Variants in SUN1 observed in about 807,000 individuals in gnomAD.
SUN1 encodes the protein Sad1 and UNC84 domain containing 1.
In SUN1, 61 loss-of-function variants were observed where a neutral mutation model predicts 103.2. That is an observed-to-expected ratio of 0.59 (90% CI 0.48 to 0.73). SUN1 has a LOEUF of 0.73. Among genes scored for constraint, SUN1 ranks in the 30% least tolerant of loss-of-function variants. SUN1 has a pLI of 0.00. For missense variants in SUN1, 1,052 were observed against 1,034.6 expected (o/e 1.02, Z -0.23); for synonymous variants, 490 against 425.7 (o/e 1.15, Z -1.86).
intron 17 of SUN1, among the ~76,000 whole-genome samples, chr7:870,498 A>C (rs532446711): frequency 1.3e-5 from 2 of 152,182 alleles, no homozygotes; most frequent in East Asian, 3.9e-4. Context: ...AGGCATGAAG[A>C]TCACTTGAAC....
chr7:826,669 C>T (rs1014081655), intron 1 of SUN1, among the ~76,000 whole-genome samples: 1 of 152,140 alleles, frequency 6.6e-6, no homozygotes, highest in African/African-American at 2.4e-5. Flanking sequence ...TAAACCAAGG[C>T]TTGCGGGATC....
intron 5 of SUN1, among the ~76,000 whole-genome samples, chr7:848,197 G>T (rs986904378): frequency 7.8e-6 from 1 of 127,426 alleles, no homozygotes; most frequent in East Asian, 2.6e-4. Flanking sequence ...GGATCCCCTG[G>T]GGGTTACTCT....
chr7:861,347 G>T (rs555612713), intron 14 of SUN1, 33 bp from the exon 15 acceptor site: 57 of 1,612,292 alleles, frequency 3.5e-5, no homozygotes, highest in Non-Finnish European at 4.7e-5. Context: ...TCCTGTTCTG[G>T]TGTTTGGTCT....
chr7:845,297 G>A (rs893776324), intron 5 of SUN1, among the ~76,000 whole-genome samples: 3 of 152,208 alleles, frequency 2.0e-5, no homozygotes, highest in East Asian at 3.9e-4. Flanking sequence ...CCCCTCGGAC[G>A]TCGGTGTCGT....
chr7:827,466 G>GTTTTT (rs35772182), intron 1 of SUN1, among the ~76,000 whole-genome samples: 1 of 133,246 alleles, frequency 7.5e-6, no homozygotes, highest in African/African-American at 2.8e-5. Context: ...TCTAAAGTCC[G>GTTTTT]TTTTTTTTTT....
intron 15 of SUN1, 27 bp from the exon 16 acceptor site, chr7:865,925 T>C (rs973666747): frequency 6.2e-7 from 1 of 1,603,956 alleles, no homozygotes; most frequent in African/African-American, 1.3e-5. Context: ...AACTGGACAC[T>C]GAGACCGATC....
At chr7:857,221 G>C (rs1828372908) in intron 12 of SUN1, among the ~76,000 whole-genome samples, 1 of 152,224 alleles carries the variant, frequency 6.6e-6, no homozygotes, top group African/African-American at 2.4e-5. Flanking sequence ...CTGCACTCGG[G>C]AGGGTCCATC....
At chr7:818,670 G>A (rs928463840) in intron 1 of SUN1, among the ~76,000 whole-genome samples, 2 of 152,138 alleles carry the variant, frequency 1.3e-5, no homozygotes, top group African/African-American at 4.8e-5. Context: ...CAACAAGTGA[G>A]TTCACTTTCT....
At position 873,316 on chromosome 7, in the gene SUN1, C is replaced by A; in HGVS notation, c.2343C>A (p.Gly781=). Residue 781 remains glycine, a synonymous_variant, in exon 19 of 19, where the codon GGC becomes GGA. Coordinates refer to ENST00000401592, the MANE Select transcript of SUN1 (RefSeq NM_001130965.3). ...GTCTGTATCGGTTCAGAGTTCATGG[C>A]GAACCTGTCAAGTGAAGACACTACT... is the stretch of plus-strand genomic sequence containing the variant. ...YTCLYRFRVH[G]EPVK 1.2e-6 allele frequency: 2 copies of A among 1,613,998 alleles called. No homozygotes were observed. Among genetic ancestry groups the A allele is most frequent in the South Asian group, 2.2e-5 (2 of 91,072 alleles).
chr7:825,137 C>T (rs1029294966), intron 1 of SUN1, among the ~76,000 whole-genome samples: 1 of 152,038 alleles, frequency 6.6e-6, no homozygotes, highest in African/African-American at 2.4e-5. Flanking sequence ...CAGCTCACTG[C>T]AAGCTCCACC....
At chr7:860,513 T>G in intron 14 of SUN1, 131 bp downstream of exon 14, 1 of 1,451,658 alleles carries the variant, frequency 6.9e-7, no homozygotes, top group Non-Finnish European at 9.2e-7. Context: ...TTAGCTGACG[T>G]AAGTGAGATG....
intron 1 of SUN1, among the ~76,000 whole-genome samples, chr7:826,291 C>T (rs1165968730): frequency 6.6e-6 from 1 of 151,260 alleles, no homozygotes; most frequent in Non-Finnish European, 1.5e-5. Flanking sequence ...GGCTAGCTGC[C>T]GTTTGACAAC....
At chr7:823,437 T>C (rs1183074127) in intron 1 of SUN1, among the ~76,000 whole-genome samples, 1 of 151,444 alleles carries the variant, frequency 6.6e-6, no homozygotes, top group Non-Finnish European at 1.5e-5. Flanking sequence ...ACCAAGGAGA[T>C]GCGGAAGGGG....
chr7:840,366 G>T (rs542565537), intron 2 of SUN1, among the ~76,000 whole-genome samples: 3 of 152,254 alleles, frequency 2.0e-5, no homozygotes, highest in Admixed American at 2.0e-4. Flanking sequence ...CCCAGTCTCC[G>T]TCTCCCAGTG....
chr7:848,755 C>T, intron 5 of SUN1: 1 of 464,032 alleles, frequency 2.2e-6, no homozygotes, highest in Non-Finnish European at 3.5e-6. Context: ...GCTTCCCCCT[C>T]TGGATCTTGC....
At chr7:835,184 A>G (rs1413595718) in intron 1 of SUN1, among the ~76,000 whole-genome samples, 1 of 152,242 alleles carries the variant, frequency 6.6e-6, no homozygotes, top group African/African-American at 2.4e-5. Flanking sequence ...CCAGTGATGC[A>G]TGCGGGTCTT....
chr7:850,900 T>C (rs751978189), intron 5 of SUN1: 2 of 153,016 alleles, frequency 1.3e-5, no homozygotes, highest in Non-Finnish European at 2.9e-5. Context: ...GTGTTACCAT[T>C]CTGAAACACT....
At chr7:815,633 C>G (rs182049857), upstream of SUN1, among the ~76,000 whole-genome samples, 389 of 152,106 alleles carry the variant, frequency 2.6e-3, 5 homozygotes, top group African/African-American at 9.0e-3. Flanking sequence ...AATTACACTT[C>G]GTTTTAAAAG....
In SUN1 at chr7:834,422, C is replaced by T. The variant is rs546799673; in HGVS notation, c.77+1821C>T. The stretch of plus-strand genomic sequence containing the variant: ...CCAGCCGCCTCACCTGAGTGGAGGC[C>T]CGTGGAGCACAGCCGGAGACTGGAG... On this transcript the variant is annotated intron_variant, in intron 1 of 18. Transcript: ENST00000401592. 1.2e-3 allele frequency among the ~76,000 whole-genome samples: 187 copies of T among 152,222 alleles called. 1 individual carries two copies. Among genetic ancestry groups the T allele is most frequent in the African/African-American group, 4.4e-3 (184 of 41,508 alleles).
Sources: allele counts gnomAD v4.1 joint callset (sites outside exome capture counted in the v4.1 genomes callset), GRCh38; gene constraint gnomAD v4.1.1; transcripts MANE v1.5; gene names NCBI Gene and HGNC (gene_info 2026-07-23, HGNC 2026-07-21).